Variants in ACTR3C observed in about 807,000 individuals in gnomAD.
ACTR3C encodes the protein actin-related protein 3C.
In ACTR3C, 18 loss-of-function variants were observed where a neutral mutation model predicts 26.3. That is an observed-to-expected ratio of 0.68 (90% CI 0.47 to 1.01). The LOEUF is 1.01. ACTR3C is among the 50% of genes least tolerant of loss of function. ACTR3C has a pLI of 0.00. For synonymous variants in ACTR3C, 55 were observed against 94.5 expected, an observed-to-expected ratio of 0.58 and a Z score of 2.42; for missense variants, 184 against 250.7, an observed-to-expected ratio of 0.73 and a Z score of 1.80.
At chr7:150,277,550 A>C (rs1314086687) in intron 6 of ACTR3C, among the ~76,000 whole-genome samples, 1 of 152,060 alleles carries the variant, frequency 6.6e-6, no homozygotes, top group Non-Finnish European at 1.5e-5. Flanking sequence ...AGACCTGCAA[A>C]GCCTCCAACC....
At chr7:149,904,539 AC>A in the ACTR3C span, among the ~76,000 whole-genome samples, 1,454 of 88,066 alleles carry the variant, frequency 0.017, 74 homozygotes, top group South Asian at 0.031. Flanking sequence ...TCAAAAAACA[AC>A]AACAACAACA....
chr7:150,243,583 C>A (rs550406978), downstream of ACTR3C, among the ~76,000 whole-genome samples: 71 of 151,256 alleles, frequency 4.7e-4, no homozygotes, highest in African/African-American at 1.5e-3. Flanking sequence ...GTTCCGGGAC[C>A]CTCCTGCAGA....
At chr7:150,321,699 C>CA (rs1200405864) in intron 1 of ACTR3C, among the ~76,000 whole-genome samples, 33 of 152,242 alleles carry the variant, frequency 2.2e-4, no homozygotes, top group Admixed American at 1.6e-3. Flanking sequence ...GAGATCACAC[C>CA]ACTGCACTCC....
At chr7:150,292,109 T>G (rs1029540507) in intron 3 of ACTR3C, among the ~76,000 whole-genome samples, 8 of 150,366 alleles carry the variant, frequency 5.3e-5, no homozygotes, top group Non-Finnish European at 1.2e-4. Flanking sequence ...TCAATTAAAT[T>G]AAATGATTTT....
the ACTR3C span, among the ~76,000 whole-genome samples, chr7:150,028,516 A>G: frequency 6.6e-6 from 1 of 152,426 alleles, no homozygotes; most frequent in African/African-American, 2.4e-5. Context: ...CCAACAGTCA[A>G]CATCTAGTCT....
chr7:149,985,131 T>C, the ACTR3C span, among the ~76,000 whole-genome samples: 4 of 151,598 alleles, frequency 2.6e-5, no homozygotes, highest in African/African-American at 9.7e-5. Context: ...GGATTTCAGG[T>C]TCCAGTCTGA....
the ACTR3C span, among the ~76,000 whole-genome samples, chr7:150,119,615 A>T: frequency 6.6e-6 from 1 of 152,134 alleles, no homozygotes; most frequent in Non-Finnish European, 1.5e-5. Flanking sequence ...AGAGACTTAG[A>T]CTCCCACAAA....
chr7:150,158,179 A>T, the ACTR3C span, among the ~76,000 whole-genome samples: 3 of 152,226 alleles, frequency 2.0e-5, no homozygotes, highest in African/African-American at 7.2e-5. Flanking sequence ...TTATTAAAAG[A>T]TCTAAATATA....
At chr7:150,156,080 G>A in the ACTR3C span, among the ~76,000 whole-genome samples, 1 of 150,624 alleles carries the variant, frequency 6.6e-6, no homozygotes, top group East Asian at 2.0e-4. Context: ...TGGGTGAGCT[G>A]GTCTCCACAG....
At chr7:149,941,091 TGA>T in the ACTR3C span, among the ~76,000 whole-genome samples, 1 of 152,204 alleles carries the variant, frequency 6.6e-6, no homozygotes, top group Non-Finnish European at 1.5e-5. Context: ...GCTCAGAGGC[TGA>T]GAGCTGAGGT....
At chr7:150,127,654 C>A in the ACTR3C span, among the ~76,000 whole-genome samples, 1 of 152,114 alleles carries the variant, frequency 6.6e-6, no homozygotes, top group Admixed American at 6.5e-5. Context: ...AAAAACATAT[C>A]CGTTTTATTG....
chr7:150,291,012 A>T (rs1836204097), intron 3 of ACTR3C, among the ~76,000 whole-genome samples: 1 of 152,236 alleles, frequency 6.6e-6, no homozygotes, highest in Admixed American at 6.5e-5. Flanking sequence ...CTAGGGTTAA[A>T]TTAATACGCA....
the ACTR3C span, among the ~76,000 whole-genome samples, chr7:150,083,886 T>C: frequency 6.6e-6 from 1 of 152,126 alleles, no homozygotes; most frequent in Admixed American, 6.5e-5. Context: ...GCACTGTTGG[T>C]GGGGATTAAA....
chr7:149,913,032 A>T, the ACTR3C span, among the ~76,000 whole-genome samples: 10 of 152,344 alleles, frequency 6.6e-5, no homozygotes, highest in South Asian at 2.1e-3. Flanking sequence ...AATTTGAGAC[A>T]TTCAAATTTA....
At chr7:150,023,095 A>G in the ACTR3C span, among the ~76,000 whole-genome samples, 1 of 140,744 alleles carries the variant, frequency 7.1e-6, no homozygotes, top group Non-Finnish European at 1.6e-5. Context: ...TATGTTCTCC[A>G]GGTCTCTTTC....
At chr7:150,041,089 AT>A in the ACTR3C span, among the ~76,000 whole-genome samples, 1 of 150,536 alleles carries the variant, frequency 6.6e-6, no homozygotes, top group Non-Finnish European at 1.5e-5. Flanking sequence ...GACGCATACA[AT>A]GGAAAAGGCT....
chr7:150,227,697 T>TG, the ACTR3C span, among the ~76,000 whole-genome samples: 5 of 141,070 alleles, frequency 3.5e-5, no homozygotes, highest in South Asian at 2.1e-4. Context: ...GGTTTTTTTT[T>TG]TTTGTTTTTT....
At chr7:150,188,115 G>C in the ACTR3C span, among the ~76,000 whole-genome samples, 1 of 151,638 alleles carries the variant, frequency 6.6e-6, no homozygotes, top group Non-Finnish European at 1.5e-5. Flanking sequence ...AGGTACCCTA[G>C]TTCCTTCTAT....
At chr7:150,040,664 G>A in the ACTR3C span, 5 of 146,090 alleles carry the variant, frequency 3.4e-5, no homozygotes, top group Admixed American at 6.7e-5. Flanking sequence ...GGTACCTGCC[G>A]TCGGAAGATT....
Sources: gnomAD v4.1 joint callset for allele counts (sites outside exome capture counted in the v4.1 genomes callset) on GRCh38, gnomAD v4.1.1 for gene constraint, MANE v1.5 for transcripts, NCBI Gene and HGNC (gene_info 2026-07-23, HGNC 2026-07-21) for gene names.